PILRA: variants seen among roughly 807,000 people sequenced by gnomAD.
The protein encoded by PILRA is paired immunoglobin like type 2 receptor alpha, also known as paired immunoglobulin-like type 2 receptor alpha.
A neutral mutation model predicts 33.1 loss-of-function variants in PILRA; 37 were observed. The ratio of observed to expected loss-of-function variants is 1.12; its 90% CI spans 0.86 to 1.47. PILRA has a LOEUF of 1.47. Among genes scored for constraint, PILRA ranks in the 40% most tolerant of loss-of-function variants. The probability of loss-of-function intolerance (pLI) is 0.00; values close to 1 mark genes in which losing one functional copy is unlikely to be tolerated. For synonymous variants in PILRA, 146 were observed against 149.9 expected, an observed-to-expected ratio of 0.97 and a Z score of 0.19; for missense variants, 312 against 376.2, an observed-to-expected ratio of 0.83 and a Z score of 1.41.
intron 3 of PILRA, among the ~76,000 whole-genome samples, chr7:100,393,820 A>G (rs2130230799): frequency 6.6e-6 from 1 of 152,158 alleles, no homozygotes; most frequent in African/African-American, 2.4e-5. Context: ...GAAGGAAGAA[A>G]GGAAAAAAAA....
intron 2 of PILRA, among the ~76,000 whole-genome samples, chr7:100,388,401 A>G (rs1329756857): frequency 1.3e-5 from 2 of 152,034 alleles, no homozygotes; most frequent in South Asian, 2.1e-4. Context: ...CATATTTTCA[A>G]TATACAGTAG....
In PILRA at chr7:100,389,985, A is replaced by G; in HGVS notation, c.552A>G (p.Lys184=). The G allele has an allele frequency of 1.2e-6, 2 of 1,614,064 alleles. No individual in the cohort carries two copies. The highest frequency in any genetic ancestry group is 1.7e-6 in the Non-Finnish European group (2 of 1,179,994). ...CCGGCCTCAGGGTCACACAGGGCAA[A>G]CGACGCTCAGACTCTTGGCACATAA... is the stretch of plus-strand genomic sequence containing the variant. The part of the protein sequence containing the change: ...TTTGLRVTQG[K]RRSDSWHISL... The change falls in exon 3 of 7, where the codon AAA becomes AAG. Residue 184 remains lysine, a synonymous_variant. Coordinates refer to ENST00000198536, the MANE Select transcript of PILRA (RefSeq NM_013439.3).
upstream of PILRA, chr7:100,373,441 T>G (rs1240650187): frequency 3.3e-6 from 2 of 609,824 alleles, no homozygotes; most frequent in Non-Finnish European, 5.8e-6. Context: ...GGAGGCCCTT[T>G]TGCAATAGGG....
At chr7:100,382,125 G>A (rs1791119098) in intron 2 of PILRA, among the ~76,000 whole-genome samples, 1 of 152,186 alleles carries the variant, frequency 6.6e-6, no homozygotes, top group African/African-American at 2.4e-5. Flanking sequence ...GCGGGAGCAA[G>A]GCGCAGAACT....
chr7:100,374,300 C>A lies in PILRA; in HGVS notation c.321C>A (p.Ser107Arg). Residue 107 changes from serine to arginine, a missense_variant, in exon 2 of 7, where the codon AGC becomes AGA. Ser to Arg is a moderately radical substitution (Grantham distance 110). Coordinates refer to ENST00000198536, the MANE Select transcript of PILRA (RefSeq NM_013439.3). ...LFLNWTEGQK[S>R]GFLRISNLQK... ...TGAACTGGACAGAGGGTCAGAAGAG[C>A]GGCTTCCTCAGGATCTCCAACCTGC... The A allele has an allele frequency of 6.2e-7, 1 of 1,614,126 alleles. No homozygotes were observed. Among genetic ancestry groups the A allele is most frequent in the Non-Finnish European group, 8.5e-7 (1 of 1,180,020 alleles).
chr7:100,382,102 AG>A lies in PILRA; in HGVS notation c.454+7672del, dbSNP rs556743087. Reference sequence around the variant, plus strand: ...GGCGCCCGGTCCCATCGACCGCCCAAGGGCCGAGGAGTGCGGGAGCAAGGCG... The same window carrying A: ...GGCGCCCGGTCCCATCGACCGCCCAAGGCCGAGGAGTGCGGGAGCAAGGCG... On this transcript the variant is annotated intron_variant, in intron 2 of 6. Transcript: ENST00000198536. Among the ~76,000 whole-genome samples, 50 of 150,194 alleles carry A rather than the reference AG, an allele frequency of 3.3e-4. No homozygotes were observed. The East Asian group carries it at 8.9e-3, about 27-fold the overall frequency.
At chr7:100,392,270 C>T (rs908040165) in intron 3 of PILRA, among the ~76,000 whole-genome samples, 6 of 152,200 alleles carry the variant, frequency 3.9e-5, no homozygotes, top group African/African-American at 1.2e-4. Context: ...GAGAGTACCA[C>T]TGCACTCCAG....
At chr7:100,397,941 T>TG (rs1254766222) in intron 4 of PILRA, 29 bp downstream of exon 4, 7 of 1,612,330 alleles carry the variant, frequency 4.3e-6, no homozygotes, top group African/African-American at 2.7e-5. Context: ...CAGGGTGGGT[T>TG]GGGGGGTGCA....
At chr7:100,373,391 C>T (rs915939955), upstream of PILRA, 17 of 575,748 alleles carry the variant, frequency 3.0e-5, no homozygotes, top group Admixed American at 1.8e-4. Context: ...GGACGGGGAC[C>T]GCGGCCTTTG....
At chr7:100,377,390 G>A (rs1439078967) in intron 2 of PILRA, among the ~76,000 whole-genome samples, 5 of 151,472 alleles carry the variant, frequency 3.3e-5, no homozygotes, top group African/African-American at 4.9e-5. Flanking sequence ...ACAGGTGCCC[G>A]CCACCGTGCC....
At chr7:100,377,231 CTTTTTTTTTTTTT>C (rs761225046) in intron 2 of PILRA, among the ~76,000 whole-genome samples, 37 of 100,930 alleles carry the variant, frequency 3.7e-4, no homozygotes, top group South Asian at 1.6e-3. Context: ...TTTTCTATTT[CTTTTTTTTTTTTT>C]TTTTTTTTTT....
intron 2 of PILRA, among the ~76,000 whole-genome samples, chr7:100,378,541 C>T (rs895291345): frequency 6.6e-6 from 1 of 152,062 alleles, no homozygotes; most frequent in East Asian, 1.9e-4. Flanking sequence ...ACACAATCTT[C>T]CCATCCAGGA....
chr7:100,387,827 C>T (rs80268173), intron 2 of PILRA, among the ~76,000 whole-genome samples: 3,021 of 152,280 alleles, frequency 0.02, 92 homozygotes, highest in African/African-American at 0.07. Flanking sequence ...CTATCTTCTT[C>T]TTGTTGCTCC....
chr7:100,374,794 T>C (rs1790909068), intron 2 of PILRA: 2 of 345,072 alleles, frequency 5.8e-6, no homozygotes, highest in South Asian at 5.0e-5. Flanking sequence ...CTCTCCAGGA[T>C]GTGGCTCACC....
At chr7:100,375,908 C>G (rs986695241) in intron 2 of PILRA, among the ~76,000 whole-genome samples, 9 of 152,216 alleles carry the variant, frequency 5.9e-5, no homozygotes, top group African/African-American at 2.2e-4. Flanking sequence ...CTGTTTTATT[C>G]AGAAAGGGCG....
chr7:100,396,242 T>C (rs1427555707), intron 3 of PILRA, among the ~76,000 whole-genome samples: 1 of 152,228 alleles, frequency 6.6e-6, no homozygotes, highest in Admixed American at 6.5e-5. Flanking sequence ...ACACCCATGT[T>C]GATAGCAACA....
At chr7:100,379,862 C>CT (rs1330496185) in intron 2 of PILRA, among the ~76,000 whole-genome samples, 2 of 152,076 alleles carry the variant, frequency 1.3e-5, no homozygotes, top group Non-Finnish European at 2.9e-5. Context: ...TGGAAACAGA[C>CT]TAATGGAATT....
chr7:100,400,093 A>T lies in PILRA; in HGVS notation c.*186A>T, dbSNP rs988645931. On this transcript the variant is annotated 3_prime_UTR_variant, in exon 7 of 7. Coordinates refer to ENST00000198536, the MANE Select transcript of PILRA (RefSeq NM_013439.3). The stretch of plus-strand genomic sequence containing the variant: ...TATTAACAATAAAGTAACAAATTTA[A>T]AAAGATTGTCTTCAAAACTATTTTT... The T allele has an allele frequency of 6.2e-6, 3 of 481,484 alleles. No homozygotes were observed. The highest frequency in any genetic ancestry group is 3.8e-5 in the Admixed American group (1 of 26,200). The allele number at this position is 481,484 out of a possible 1,614,324, so 29.8% of individuals were successfully genotyped here.
chr7:100,391,036 G>A (rs1031949497), intron 3 of PILRA, among the ~76,000 whole-genome samples: 3 of 151,864 alleles, frequency 2.0e-5, no homozygotes, highest in African/African-American at 7.3e-5. Flanking sequence ...GAGGTGAGGT[G>A]CGTTGAGGTG....
Sources: allele counts gnomAD v4.1 joint callset (sites outside exome capture counted in the v4.1 genomes callset), GRCh38; gene constraint gnomAD v4.1.1; transcripts MANE v1.5; gene names NCBI Gene and HGNC (gene_info 2026-07-23, HGNC 2026-07-21).